Variants in CDS2 observed in about 807,000 individuals in gnomAD.
CDS2 encodes phosphatidate cytidylyltransferase 2.
CDS2 carries 47 observed loss-of-function variants against 59.0 expected under a neutral mutation model. The observed-to-expected ratio is 0.80, with a 90% CI of 0.63 to 1.02. The LOEUF is 1.02. Ranked by LOEUF, CDS2 falls within the 50% of genes least tolerant of loss-of-function variation. The probability of loss-of-function intolerance (pLI) is 0.00; values close to 1 mark genes in which losing one functional copy is unlikely to be tolerated. For synonymous variants in CDS2, 207 were observed against 206.4 expected (o/e 1.00, Z -0.02); for missense variants, 356 against 558.9 (o/e 0.64, Z 3.66).
At chr20:5,186,994 T>A in intron 10 of CDS2, 155 bp downstream of exon 10, 1 of 751,740 alleles carries the variant, frequency 1.3e-6, no homozygotes, top group Non-Finnish European at 2.2e-6. Flanking sequence ...CAGGTCAGGG[T>A]ATGGGCAGGA....
chr20:5,178,132 A>C (rs2123049190), intron 4 of CDS2, among the ~76,000 whole-genome samples: 1 of 152,330 alleles, frequency 6.6e-6, no homozygotes, highest in South Asian at 2.1e-4. Context: ...TTCTCTTCTC[A>C]TGAACGCCAG....
At chr20:5,187,992 A>T (rs1203859031) in intron 10 of CDS2, 1 of 152,104 alleles carries the variant, frequency 6.6e-6, no homozygotes, top group Non-Finnish European at 1.5e-5. Flanking sequence ...GCCACTGTGA[A>T]CTTGACAGCT....
chr20:5,143,767 C>CT (rs373867800), intron 1 of CDS2, among the ~76,000 whole-genome samples: 8,583 of 102,456 alleles, frequency 0.084, 1,456 homozygotes, highest in African/African-American at 0.27. Context: ...TCTTCTTCTT[C>CT]TTTTTTTTTT....
At position 5,193,730 on chromosome 20, in the gene CDS2, C is replaced by T. The variant is rs2091135663; in HGVS notation, c.*3496C>T. ...TGACTTGAGACAGAGTGTCCTTGCTCAGAAAACTGTGAAGCAGGGGTCTTG... is the reference window on the plus strand; with the variant it reads ...TGACTTGAGACAGAGTGTCCTTGCTTAGAAAACTGTGAAGCAGGGGTCTTG... On this transcript the variant is annotated 3_prime_UTR_variant, in exon 13 of 13. Coordinates refer to ENST00000460006, the MANE Select transcript of CDS2 (RefSeq NM_003818.4). 1 of 152,194 alleles carries T rather than the reference C, an allele frequency of 6.6e-6. No individual in the cohort carries two copies. Among genetic ancestry groups the T allele is most frequent in the African/African-American group, 2.4e-5 (1 of 41,446 alleles). The allele number at this position is 152,194 out of a possible 1,614,324, so 9.4% of individuals were successfully genotyped here. A position where few individuals can be genotyped will look rare whatever the true frequency, so the allele number is the denominator to read the frequency against.
intron 1 of CDS2, among the ~76,000 whole-genome samples, chr20:5,164,356 C>T (rs1195602096): frequency 6.6e-6 from 1 of 152,090 alleles, no homozygotes; most frequent in Non-Finnish European, 1.5e-5. Context: ...CATTTGCTCT[C>T]ATGTCTACTT....
intron 1 of CDS2, among the ~76,000 whole-genome samples, chr20:5,131,899 A>G (rs1373059840): frequency 2.0e-5 from 3 of 151,694 alleles, no homozygotes; most frequent in African/African-American, 7.2e-5. Context: ...AGCTTGTCAC[A>G]TAATATGTTA....
rs531230424 is a variant in CDS2, at chr20:5,182,938, A to G, written c.589-123A>G. On this transcript the variant is annotated intron_variant, in intron 6 of 12. Coordinates refer to ENST00000460006, the MANE Select transcript of CDS2 (RefSeq NM_003818.4). The stretch of plus-strand genomic sequence containing the variant: ...CTTACCTGTTCACTTTCAATAAGTC[A>G]GATACAAAAGCAGATATTTTTCCTA... 4.0e-6 allele frequency: 3 copies of G among 741,414 alleles called. No individual in the cohort carries two copies. In the African/African-American group the frequency reaches 5.3e-5, roughly 13 times the overall value. 45.9% of individuals were successfully genotyped at this position (741,414 alleles called of 1,614,324 possible).
In CDS2 at chr20:5,184,840, A is replaced by G; in HGVS notation, c.672-18A>G. 1 of 1,588,450 alleles carries G rather than the reference A, an allele frequency of 6.3e-7. No individual in the cohort carries two copies. Among genetic ancestry groups the G allele is most frequent in the Non-Finnish European group, 8.6e-7 (1 of 1,156,920 alleles). ...TGTCACCTTGCTTGAGTTGATCCTTACTTTGGTTCATTTCTAGGTTCATTG... is the reference window on the plus strand; with the variant it reads ...TGTCACCTTGCTTGAGTTGATCCTTGCTTTGGTTCATTTCTAGGTTCATTG... On this transcript the variant is annotated intron_variant, in intron 7 of 12. Coordinates refer to ENST00000460006, the MANE Select transcript of CDS2 (RefSeq NM_003818.4). This position sits in a 1 kb window ranked among gnomAD's most constrained non-coding sequence, Gnocchi z 4.3.
intron 10 of CDS2, chr20:5,187,074 G>C: frequency 3.6e-6 from 1 of 280,208 alleles, no homozygotes. Context: ...TCCCTGGAGG[G>C]CCCTGGGATC....
intron 1 of CDS2, among the ~76,000 whole-genome samples, chr20:5,150,404 C>T (rs1479030582): frequency 6.6e-6 from 1 of 152,256 alleles, no homozygotes; most frequent in Non-Finnish European, 1.5e-5. Context: ...CTTTGCGTTA[C>T]GATTCTGCCT....
Position 5,190,337 on chromosome 20 carries a change from C to CT in CDS2, c.*104dup, listed in dbSNP as rs1600521102. The CT allele has an allele frequency of 3.1e-6, 3 of 973,408 alleles. No individual in the cohort carries two copies. In the East Asian group the frequency reaches 8.7e-5, roughly 28 times the overall value. The allele number at this position is 973,408 out of a possible 1,614,324, so 60.3% of individuals were successfully genotyped here. ...TAGACAATGACGAGGCTTCAACTCA[C>CT]TGTCTTTTTTTTTTTTTTTTGGAGG... On this transcript the variant is annotated 3_prime_UTR_variant, in exon 13 of 13. Transcript: ENST00000460006.
chr20:5,183,204 C>T lies in CDS2; in HGVS notation c.671+61C>T, dbSNP rs576368880. ...GTGAGTGTTTCTCGTGTACAGATAC[C>T]CCCCTCTAAGCCAGTGGCCCTCACC... On this transcript the variant is annotated intron_variant, in intron 7 of 12. Transcript: ENST00000460006. 2.8e-6 allele frequency: 4 copies of T among 1,407,316 alleles called. No homozygotes were observed. In the East Asian group the frequency reaches 9.2e-5, roughly 32 times the overall value. The allele number at this position is 1,407,316 out of a possible 1,614,324, so 87.2% of individuals were successfully genotyped here. A position where few individuals can be genotyped will look rare whatever the true frequency, so the allele number is the denominator to read the frequency against.
chr20:5,152,718 G>A (rs369666255), intron 1 of CDS2, among the ~76,000 whole-genome samples: 5 of 152,164 alleles, frequency 3.3e-5, no homozygotes, highest in Non-Finnish European at 7.3e-5. Flanking sequence ...ACTCCAGCCC[G>A]GGTGACAAAG....
At chr20:5,141,634 G>C (rs561825182) in intron 1 of CDS2, among the ~76,000 whole-genome samples, 1 of 152,256 alleles carries the variant, frequency 6.6e-6, no homozygotes, top group East Asian at 1.9e-4. Flanking sequence ...TGGGTGGGGG[G>C]TGATGGGGAC....
chr20:5,148,808 A>G (rs983482537), intron 1 of CDS2, among the ~76,000 whole-genome samples: 1 of 152,142 alleles, frequency 6.6e-6, no homozygotes, highest in Non-Finnish European at 1.5e-5. Context: ...TGTCAGCCAA[A>G]CACCCAGTTT....
At chr20:5,168,180 C>T (rs111525463) in intron 1 of CDS2, among the ~76,000 whole-genome samples, 2 of 151,864 alleles carry the variant, frequency 1.3e-5, no homozygotes, top group Non-Finnish European at 2.9e-5. Context: ...TTTGGGAGGC[C>T]GAGGCAGGTG....
At chr20:5,185,718 T>C in intron 8 of CDS2, 40 bp from the exon 9 acceptor site, 2 of 1,582,562 alleles carry the variant, frequency 1.3e-6, no homozygotes, top group Non-Finnish European at 1.7e-6. Context: ...GCTATAGTTA[T>C]CAAAACACCC....
chr20:5,194,144 C>A lies in CDS2; in HGVS notation c.*3910C>A, dbSNP rs1337484736. On this transcript the variant is annotated 3_prime_UTR_variant, in exon 13 of 13. Coordinates refer to ENST00000460006, the MANE Select transcript of CDS2 (RefSeq NM_003818.4). ...CTGAAGATGATGGCTAATACTCAGG[C>A]AGAGCCCCGTATTCTTCCCTGACTT... is the stretch of plus-strand genomic sequence containing the variant. 1 of 152,264 alleles carries A rather than the reference C, an allele frequency of 6.6e-6. No individual in the cohort carries two copies. The allele number at this position is 152,264 out of a possible 1,614,324, so 9.4% of individuals were successfully genotyped here. A position where few individuals can be genotyped will look rare whatever the true frequency, so the allele number is the denominator to read the frequency against.
intron 1 of CDS2, among the ~76,000 whole-genome samples, chr20:5,158,669 C>T (rs1479032364): frequency 6.6e-6 from 1 of 152,128 alleles, no homozygotes; most frequent in Non-Finnish European, 1.5e-5. Flanking sequence ...CAAACAGAGC[C>T]ACCACTATGT....
Sources: allele counts gnomAD v4.1 joint callset (sites outside exome capture counted in the v4.1 genomes callset), GRCh38; gene constraint gnomAD v4.1.1; non-coding constraint Gnocchi (gnomAD v3.1); transcripts MANE v1.5; gene names NCBI Gene and HGNC (gene_info 2026-07-23, HGNC 2026-07-21).